Variants in ARHGEF3 observed in about 807,000 individuals in gnomAD.
ARHGEF3 encodes the protein 59.8 kDA protein.
In ARHGEF3, 28 loss-of-function variants were observed where a neutral mutation model predicts 63.2. The ratio of observed to expected loss-of-function variants is 0.44; its 90% CI spans 0.33 to 0.61. ARHGEF3 has a LOEUF of 0.61. Ranked by LOEUF, ARHGEF3 falls within the 20% of genes least tolerant of loss-of-function variation. The pLI, the probability that ARHGEF3 is intolerant of heterozygous loss-of-function variation, is 0.03. For missense variants in ARHGEF3, 533 were observed against 659.3 expected (o/e 0.81, Z 2.10); for synonymous variants, 266 against 254.2 (o/e 1.05, Z -0.44).
In ARHGEF3 at chr3:56,729,486, G is replaced by A. The variant is rs760335469; in HGVS notation, c.1365C>T (p.Ala455=). The A allele has an allele frequency of 6.2e-6, 10 of 1,614,028 alleles. No individual in the cohort carries two copies. The highest frequency in any genetic ancestry group is 5.5e-5 in the South Asian group (5 of 91,082). The change falls in exon 10 of 10, where the codon GCC becomes GCT. Residue 455 remains alanine (A), a synonymous_variant. Coordinates refer to ENST00000296315, the MANE Select transcript of ARHGEF3 (RefSeq NM_019555.3). ...CGGAGTCAAGCACCCCAGCTTGCCC[G>A]GCAGCACACAAAACTGTTTCTTTGG... ...RQAKETVLCA[A]GQAGVLDSEG... is the part of the protein sequence containing the mutation.
At chr3:57,029,424 C>T (rs139058534) in intron 2 of ARHGEF3, among the ~76,000 whole-genome samples, 2 of 146,058 alleles carry the variant, frequency 1.4e-5, no homozygotes, top group Admixed American at 6.8e-5. Flanking sequence ...AGCGAAACTC[C>T]GTCTCAAAAA....
At chr3:56,781,586 G>C (rs370372143) in intron 1 of ARHGEF3, among the ~76,000 whole-genome samples, 3 of 152,240 alleles carry the variant, frequency 2.0e-5, no homozygotes, top group African/African-American at 7.2e-5. Context: ...TCCAGAATAA[G>C]ACAAACATTT....
At chr3:56,788,737 GC>G (rs2036940893) in intron 1 of ARHGEF3, among the ~76,000 whole-genome samples, 1 of 151,798 alleles carries the variant, frequency 6.6e-6, no homozygotes, top group African/African-American at 2.4e-5. Flanking sequence ...TACTCCTCTG[GC>G]CAGGGTGCCT....
intron 1 of ARHGEF3, among the ~76,000 whole-genome samples, chr3:57,040,862 T>G (rs1704156973): frequency 6.6e-6 from 1 of 150,762 alleles, no homozygotes; most frequent in Non-Finnish European, 1.5e-5. Flanking sequence ...CTGGAACTGA[T>G]CAGCTACTGA....
intron 1 of ARHGEF3, among the ~76,000 whole-genome samples, chr3:57,060,271 A>G (rs963321938): frequency 2.7e-5 from 4 of 150,662 alleles, no homozygotes; most frequent in South Asian, 2.1e-4. Flanking sequence ...ACGGCACTCC[A>G]GCCTGGGCGA....
At chr3:57,028,800 C>A (rs6769806) in intron 2 of ARHGEF3, among the ~76,000 whole-genome samples, 2 of 151,492 alleles carry the variant, frequency 1.3e-5, no homozygotes, top group East Asian at 3.9e-4. Flanking sequence ...TGTTTGGAGC[C>A]AATGTATATA....
At chr3:56,813,552 A>G (rs181823313) in intron 4 of ARHGEF3, among the ~76,000 whole-genome samples, 2 of 152,294 alleles carry the variant, frequency 1.3e-5, no homozygotes, top group Admixed American at 1.3e-4. Flanking sequence ...TATGAAATGC[A>G]GTTTGGGGTA....
Position 56,889,245 on chromosome 3 carries a change from G to A in ARHGEF3, c.130-6891C>T, listed in dbSNP as rs190840876. ...TAACCCATGAACAAACTGCCTTTTC[G>A]GTTGTCCTGGGGAAGATTCTCTGTG... On this transcript the variant is annotated intron_variant, in intron 3 of 12. Coordinates refer to the ARHGEF3 transcript ENST00000338458. Among the ~76,000 whole-genome samples, 114 of 152,152 alleles carry A rather than the reference G, an allele frequency of 7.5e-4. 1 individual carries two copies. The highest frequency in any genetic ancestry group is 2.7e-3 in the African/African-American group (113 of 41,520).
At chr3:56,994,079 A>AAAAAAAAAAAAAAAAAAAAAAAAAAAC (rs1159552674) in intron 2 of ARHGEF3, among the ~76,000 whole-genome samples, 4 of 148,222 alleles carry the variant, frequency 2.7e-5, no homozygotes, top group Non-Finnish European at 4.5e-5. Context: ...AAAAAAAAAA[A>AAAAAAAAAAAAAAAAAAAAAAAAAAAC]AAAAAAGCAC....
At chr3:56,845,227 A>C (rs1440430722) in intron 4 of ARHGEF3, among the ~76,000 whole-genome samples, 2 of 152,260 alleles carry the variant, frequency 1.3e-5, no homozygotes, top group African/African-American at 4.8e-5. Flanking sequence ...CCTTGATTGC[A>C]GCCTTGTCAG....
chr3:57,074,479 G>C (rs535357324), intron 1 of ARHGEF3: 1 of 591,336 alleles, frequency 1.7e-6, no homozygotes, highest in African/African-American at 1.9e-5. Flanking sequence ...GAAAGGTTAA[G>C]TTACTGGCAC....
At chr3:57,040,253 G>A (rs953092703) in intron 1 of ARHGEF3, among the ~76,000 whole-genome samples, 9 of 152,118 alleles carry the variant, frequency 5.9e-5, no homozygotes, top group East Asian at 1.9e-4. Context: ...CAAGGCGGGT[G>A]GATCACGAGG....
chr3:56,907,285 T>C (rs1474934842), intron 3 of ARHGEF3, among the ~76,000 whole-genome samples: 3 of 152,184 alleles, frequency 2.0e-5, no homozygotes, highest in African/African-American at 4.8e-5. Flanking sequence ...CTGGCCAACA[T>C]TCTACTTCTA....
chr3:57,046,722 C>T (rs1351937526), intron 1 of ARHGEF3, among the ~76,000 whole-genome samples: 1 of 152,176 alleles, frequency 6.6e-6, no homozygotes, highest in East Asian at 1.9e-4. Context: ...GGAAAACACA[C>T]ACCTCTAACC....
At chr3:56,786,889 T>C (rs1435577174) in intron 1 of ARHGEF3, among the ~76,000 whole-genome samples, 1 of 141,538 alleles carries the variant, frequency 7.1e-6, no homozygotes, top group South Asian at 2.2e-4. Context: ...TGTGATTTGG[T>C]TGTTGGGTTT....
At chr3:56,993,208 C>T (rs1218459047) in intron 2 of ARHGEF3, among the ~76,000 whole-genome samples, 1 of 152,216 alleles carries the variant, frequency 6.6e-6, no homozygotes, top group Non-Finnish European at 1.5e-5. Flanking sequence ...TCAAGCCTTA[C>T]TTCATCCTCC....
chr3:56,851,123 C>G (rs967630020), intron 4 of ARHGEF3, among the ~76,000 whole-genome samples: 1 of 152,032 alleles, frequency 6.6e-6, no homozygotes, highest in African/African-American at 2.4e-5. Context: ...ATGTGTCCCC[C>G]ATATCCTCAC....
chr3:56,968,030 T>A (rs9713694), intron 2 of ARHGEF3, among the ~76,000 whole-genome samples: 1 of 34,258 alleles, frequency 2.9e-5, no homozygotes, highest in African/African-American at 1.2e-4. Flanking sequence ...ACATATATAT[T>A]TAATATATAT....
intron 2 of ARHGEF3, among the ~76,000 whole-genome samples, chr3:57,023,465 G>C (rs1399471789): frequency 6.6e-6 from 1 of 152,124 alleles, no homozygotes; most frequent in Non-Finnish European, 1.5e-5. Flanking sequence ...TCCCACTCTA[G>C]CCAGAGATCT....
Sources: allele counts gnomAD v4.1 joint callset (sites outside exome capture counted in the v4.1 genomes callset), GRCh38; gene constraint gnomAD v4.1.1; transcripts MANE v1.5; gene names NCBI Gene and HGNC (gene_info 2026-07-23, HGNC 2026-07-21).